THEMIS: variants seen among roughly 807,000 people sequenced by gnomAD.
THEMIS encodes thymocyte selection associated.
A neutral mutation model predicts 52.6 loss-of-function variants in THEMIS; 37 were observed. The ratio of observed to expected loss-of-function variants is 0.70; its 90% CI spans 0.54 to 0.93. The LOEUF is 0.93. Ranked by LOEUF, THEMIS falls within the 40% of genes least tolerant of loss-of-function variation. The probability of loss-of-function intolerance (pLI) is 0.00; values close to 1 mark genes in which losing one functional copy is unlikely to be tolerated. For synonymous variants in THEMIS, 292 were observed against 272.7 expected (o/e 1.07, Z -0.70); for missense variants, 808 against 763.1 (o/e 1.06, Z -0.69).
chr6:127,787,803 G>GTAGATAGATAGATAGA lies in THEMIS; in HGVS notation c.1758+25064_1758+25079dup, dbSNP rs147102978. Reference sequence around the variant, plus strand: ...AAAAGTCAGCCTGCCACAGTGATAGGTAGATAGATAGATAGATAGATAGAT... The same window carrying GTAGATAGATAGATAGA: ...AAAAGTCAGCCTGCCACAGTGATAGGTAGATAGATAGATAGATAGATAGATAGATAGATAGATAGAT... On this transcript the variant is annotated intron_variant, in intron 4 of 5. Transcript: ENST00000368248. Among the ~76,000 whole-genome samples, 1,166 of 136,740 alleles carry GTAGATAGATAGATAGA rather than the reference G, an allele frequency of 8.5e-3. 15 individuals carry two copies. The highest frequency in any genetic ancestry group is 0.016 in the African/African-American group (597 of 36,766). 89.7% of individuals were successfully genotyped at this position (136,740 alleles called of 152,430 possible).
intron 1 of THEMIS, among the ~76,000 whole-genome samples, chr6:127,899,131 T>C (rs1255995037): frequency 1.3e-5 from 2 of 151,834 alleles, no homozygotes; most frequent in Admixed American, 6.6e-5. Flanking sequence ...GGAATGTTCC[T>C]AACATGAAGA....
chr6:127,748,393 C>T (rs989536366), intron 4 of THEMIS, among the ~76,000 whole-genome samples: 1 of 151,978 alleles, frequency 6.6e-6, no homozygotes, highest in African/African-American at 2.4e-5. Flanking sequence ...AGGGGCAAAA[C>T]ACCAGAGGTA....
chr6:127,801,251 C>T (rs1013267004), intron 4 of THEMIS, among the ~76,000 whole-genome samples: 2 of 152,162 alleles, frequency 1.3e-5, no homozygotes, highest in East Asian at 1.9e-4. Context: ...TCCTTGGTTG[C>T]TCCTAAGTTC....
chr6:127,840,251 A>T lies in THEMIS; in HGVS notation c.251-10317T>A, dbSNP rs534734745. ...GTTAGTTTAAAAGGCTGTTCATCAC[A>T]GTACAAATTGTATAAATGGCCATGT... On this transcript the variant is annotated intron_variant, in intron 2 of 5. Transcript: ENST00000368248. 5.0e-3 allele frequency among the ~76,000 whole-genome samples: 759 copies of T among 152,248 alleles called. 6 individuals are homozygous for T. The highest frequency in any genetic ancestry group is 0.017 in the African/African-American group (723 of 41,564).
intron 4 of THEMIS, among the ~76,000 whole-genome samples, chr6:127,812,014 G>C (rs998229312): frequency 4.6e-5 from 7 of 152,166 alleles, no homozygotes; most frequent in African/African-American, 1.7e-4. Context: ...TCTAAGCATA[G>C]AGAGTAAACA....
chr6:127,916,027 T>C (rs1781518390), intron 1 of THEMIS, among the ~76,000 whole-genome samples: 2 of 151,876 alleles, frequency 1.3e-5, no homozygotes, highest in Admixed American at 6.6e-5. Flanking sequence ...CAAATTTGTT[T>C]TTTCCCCCTA....
intron 4 of THEMIS, among the ~76,000 whole-genome samples, chr6:127,743,451 A>C (rs980569380): frequency 2.0e-5 from 3 of 152,160 alleles, no homozygotes; most frequent in Non-Finnish European, 4.4e-5. Flanking sequence ...GTTTAAGGGG[A>C]GTAAGAGAAT....
At chr6:127,717,297 C>T (rs1443347979) in intron 5 of THEMIS, among the ~76,000 whole-genome samples, 1 of 151,782 alleles carries the variant, frequency 6.6e-6, no homozygotes, top group African/African-American at 2.4e-5. Context: ...TATATAGCTA[C>T]CTAATGGGGG....
rs2197484 is a variant in THEMIS, at chr6:127,751,271, G to A, written c.1759-31448C>T. ...GAGTTTTTCTTTGTGATCAAACTTC[G>A]TTGTTATCAGCTTAAAATAGACTGT... On this transcript the variant is annotated intron_variant, in intron 4 of 5. Coordinates refer to ENST00000368248, the MANE Select transcript of THEMIS (RefSeq NM_001010923.3). Among the ~76,000 whole-genome samples the A allele has an allele frequency of 5.3e-3, 803 of 151,828 alleles. 8 individuals carry two copies. Among genetic ancestry groups the A allele is most frequent in the African/African-American group, 0.018 (760 of 41,500 alleles).
intron 4 of THEMIS, among the ~76,000 whole-genome samples, chr6:127,772,396 T>G (rs531596922): frequency 1.4e-4 from 22 of 152,228 alleles, no homozygotes; most frequent in Admixed American, 1.3e-4. Context: ...GTGTATTTAT[T>G]GGTTATTTAG....
chr6:127,782,577 C>T (rs190479820), intron 4 of THEMIS, among the ~76,000 whole-genome samples: 7 of 152,358 alleles, frequency 4.6e-5, no homozygotes, highest in Non-Finnish European at 1.0e-4. Flanking sequence ...TTGCACTTCC[C>T]TGGTGAGGCA....
chr6:127,817,549 A>G (rs1362114854), intron 3 of THEMIS, among the ~76,000 whole-genome samples: 8 of 152,168 alleles, frequency 5.3e-5, no homozygotes, highest in Non-Finnish European at 8.8e-5. Context: ...TTTTTTTAAT[A>G]AAAAAGATTA....
At chr6:127,733,679 G>A (rs1040182108) in intron 4 of THEMIS, among the ~76,000 whole-genome samples, 1 of 152,162 alleles carries the variant, frequency 6.6e-6, no homozygotes, top group African/African-American at 2.4e-5. Flanking sequence ...ACTCTCTATG[G>A]AGTAATCTTC....
intron 4 of THEMIS, among the ~76,000 whole-genome samples, chr6:127,756,406 G>A (rs945098098): frequency 2.6e-5 from 4 of 152,072 alleles, no homozygotes; most frequent in African/African-American, 9.7e-5. Flanking sequence ...TTTATTCAAG[G>A]TGGCTGTATA....
intron 4 of THEMIS, among the ~76,000 whole-genome samples, chr6:127,797,339 A>G (rs995482802): frequency 7.2e-5 from 11 of 152,188 alleles, no homozygotes; most frequent in Non-Finnish European, 1.5e-4. Flanking sequence ...TTCTTTGACT[A>G]AGGCTAAGAA....
chr6:127,857,448 G>GT (rs1779654327), intron 1 of THEMIS, among the ~76,000 whole-genome samples: 1 of 151,976 alleles, frequency 6.6e-6, no homozygotes, highest in Non-Finnish European at 1.5e-5. Context: ...TAAAATGTAA[G>GT]TAAGAAGGAG....
chr6:127,707,172 C>G (rs1773820867), downstream of THEMIS, among the ~76,000 whole-genome samples: 3 of 152,032 alleles, frequency 2.0e-5, no homozygotes, highest in South Asian at 6.2e-4. Flanking sequence ...CCCCATGACT[C>G]AATTACCTCC....
chr6:127,828,120 A>G (rs986276548), intron 3 of THEMIS, among the ~76,000 whole-genome samples: 2 of 152,094 alleles, frequency 1.3e-5, no homozygotes, highest in African/African-American at 2.4e-5. Context: ...TCCTCGGAGT[A>G]GTTTTTCTTG....
chr6:127,705,920 G>C (rs1482412334), downstream of THEMIS, among the ~76,000 whole-genome samples: 1 of 152,138 alleles, frequency 6.6e-6, no homozygotes, highest in Non-Finnish European at 1.5e-5. Context: ...GAAAGATTAG[G>C]TTGGAGTTCT....
Sources: gnomAD v4.1 joint callset for allele counts (sites outside exome capture counted in the v4.1 genomes callset) on GRCh38, gnomAD v4.1.1 for gene constraint, MANE v1.5 for transcripts, NCBI Gene and HGNC (gene_info 2026-07-23, HGNC 2026-07-21) for gene names.